ST3GAL3: variants seen among roughly 807,000 people sequenced by gnomAD.
The protein encoded by ST3GAL3 is ST3 beta-galactoside alpha-2,3-sialyltransferase 3.
A neutral mutation model predicts 50.1 loss-of-function variants in ST3GAL3; 21 were observed. That is an observed-to-expected ratio of 0.42 (90% CI 0.30 to 0.60). The LOEUF (loss-of-function observed/expected upper bound fraction) is 0.60. Among genes scored for constraint, ST3GAL3 ranks in the 20% least tolerant of loss-of-function variants. The pLI, the probability that ST3GAL3 is intolerant of heterozygous loss-of-function variation, is 0.19. For synonymous variants in ST3GAL3, 183 were observed against 190.0 expected (o/e 0.96, Z 0.30); for missense variants, 353 against 489.4 (o/e 0.72, Z 2.63).
At chr1:43,778,100 A>G (rs1697970707) in intron 2 of ST3GAL3, among the ~76,000 whole-genome samples, 1 of 152,222 alleles carries the variant, frequency 6.6e-6, no homozygotes, top group African/African-American at 2.4e-5. Flanking sequence ...TGCAGCCATA[A>G]AAAGGAATGA....
chr1:43,713,994 T>C (rs1343048517), intron 1 of ST3GAL3, among the ~76,000 whole-genome samples: 2 of 152,174 alleles, frequency 1.3e-5, no homozygotes, highest in African/African-American at 4.8e-5. Flanking sequence ...CCGGGTGCAG[T>C]AGCTCATACA....
intron 3 of ST3GAL3, among the ~76,000 whole-genome samples, chr1:43,810,176 AT>A (rs2060390112): frequency 6.6e-6 from 1 of 152,034 alleles, no homozygotes; most frequent in Admixed American, 6.5e-5. Context: ...TAAGAACCAA[AT>A]TTTTTTAAAT....
intron 10 of ST3GAL3, 70 bp downstream of exon 10, chr1:43,920,620 G>C: frequency 6.2e-7 from 1 of 1,604,682 alleles, no homozygotes. Flanking sequence ...GGAAGGGTGG[G>C]TGGTGGGTGG....
intron 5 of ST3GAL3, among the ~76,000 whole-genome samples, chr1:43,862,898 C>T (rs1278575255): frequency 6.6e-6 from 1 of 151,930 alleles, no homozygotes; most frequent in African/African-American, 2.4e-5. Flanking sequence ...CCTGGGTGAC[C>T]GTGTGAGACC....
At chr1:43,731,097 A>G (rs997482082) in intron 1 of ST3GAL3, among the ~76,000 whole-genome samples, 2 of 151,880 alleles carry the variant, frequency 1.3e-5, no homozygotes, top group Non-Finnish European at 2.9e-5. Context: ...CAGTGGTGCA[A>G]CCTTGGCTTA....
intron 9 of ST3GAL3, among the ~76,000 whole-genome samples, chr1:43,911,586 T>TAGATATATCTGTAGCTATAGATATCTAC (rs2080872125): frequency 6.6e-6 from 1 of 151,002 alleles, no homozygotes; most frequent in African/African-American, 2.4e-5. Context: ...TAGATATCTA[T>TAGATATATCTGTAGCTATAGATATCTAC]AGATATATCT....
At chr1:43,903,262 C>T (rs1274388466) in intron 9 of ST3GAL3, among the ~76,000 whole-genome samples, 4 of 152,178 alleles carry the variant, frequency 2.6e-5, no homozygotes, top group Non-Finnish European at 5.9e-5. Flanking sequence ...GCTGGAGACA[C>T]CCCATCCACT....
intron 3 of ST3GAL3, among the ~76,000 whole-genome samples, chr1:43,805,256 T>C (rs1181838416): frequency 6.6e-6 from 1 of 152,130 alleles, no homozygotes; most frequent in African/African-American, 2.4e-5. Flanking sequence ...TTCAGCACAT[T>C]ATTTTTCTCC....
In ST3GAL3 at chr1:43,765,747, GTGTGTC is replaced by G. The variant is rs1386836890; in HGVS notation, c.119-26349_119-26344del. On this transcript the variant is annotated intron_variant, in intron 2 of 11. Transcript: ENST00000347631. ...ATTTCATGTGCATGTGTGTGTCTGT[GTGTGTC>G]TGTGTGTGTGTGTGTGTGTGTGTGT... Among the ~76,000 whole-genome samples, 435 of 59,120 alleles carry G rather than the reference GTGTGTC, an allele frequency of 7.4e-3. 2 individuals carry two copies. Among genetic ancestry groups the G allele is most frequent in the African/African-American group, 0.018 (391 of 21,938 alleles). The allele number at this position is 59,120 out of a possible 152,430, so 38.8% of individuals were successfully genotyped here.
intron 2 of ST3GAL3, among the ~76,000 whole-genome samples, chr1:43,791,208 C>G (rs2058035580): frequency 6.6e-6 from 1 of 152,204 alleles, no homozygotes; most frequent in Non-Finnish European, 1.5e-5. Flanking sequence ...AGTCCAGTTC[C>G]TAATATAAAC....
At chr1:43,850,166 C>A in intron 5 of ST3GAL3, 2 of 209,054 alleles carry the variant, frequency 9.6e-6, no homozygotes, top group Non-Finnish European at 9.9e-6. Context: ...GAAAAAAGTC[C>A]AAAAGAAAAC....
chr1:43,873,769 C>T (rs2073511143), intron 5 of ST3GAL3, among the ~76,000 whole-genome samples: 1 of 151,530 alleles, frequency 6.6e-6, no homozygotes, highest in African/African-American at 2.4e-5. Flanking sequence ...CCAGCCTGGA[C>T]GACAGAGTAA....
At chr1:43,885,005 A>G (rs2075742672) in intron 5 of ST3GAL3, among the ~76,000 whole-genome samples, 1 of 152,328 alleles carries the variant, frequency 6.6e-6, no homozygotes, top group Non-Finnish European at 1.5e-5. Context: ...TACAGGCTTA[A>G]TATTCCAAGC....
intron 1 of ST3GAL3, among the ~76,000 whole-genome samples, chr1:43,730,557 C>G (rs796649950): frequency 1.4e-5 from 2 of 142,668 alleles, no homozygotes; most frequent in Non-Finnish European, 3.1e-5. Flanking sequence ...TTTTTTCTTT[C>G]TTTTCTTTTC....
At chr1:43,865,698 T>C (rs1484036381) in intron 5 of ST3GAL3, among the ~76,000 whole-genome samples, 1 of 152,006 alleles carries the variant, frequency 6.6e-6, no homozygotes, top group African/African-American at 2.4e-5. Context: ...CAGGAGGGGC[T>C]TTTTTCCTAA....
At chr1:43,718,827 A>G (rs1429320047) in intron 1 of ST3GAL3, among the ~76,000 whole-genome samples, 1 of 151,660 alleles carries the variant, frequency 6.6e-6, no homozygotes, top group African/African-American at 2.4e-5. Context: ...AGCTGAGATT[A>G]CAGGGGCCCA....
chr1:43,736,525 T>C (rs983967661), intron 2 of ST3GAL3, 145 bp downstream of exon 2: 2 of 1,456,314 alleles, frequency 1.4e-6, no homozygotes, highest in African/African-American at 2.8e-5. Context: ...AGAAATTGCC[T>C]GCCATTTTAG....
intron 9 of ST3GAL3, among the ~76,000 whole-genome samples, chr1:43,903,961 GAACTT>G (rs1214538903): frequency 1.3e-5 from 2 of 152,144 alleles, no homozygotes; most frequent in Non-Finnish European, 1.5e-5. Context: ...CTAGCATAGA[GAACTT>G]AACTATGTTC....
At chr1:43,904,527 CTGCCTGTTGCCATATCTTAACCAT>C (rs1215075528) in intron 9 of ST3GAL3, among the ~76,000 whole-genome samples, 1 of 152,052 alleles carries the variant, frequency 6.6e-6, no homozygotes, top group African/African-American at 2.4e-5. Flanking sequence ...TTTCACGTCA[CTGCCTGTTGCCATATCTTAACCAT>C]TGCTCCTCTA....
Sources: gnomAD v4.1 joint callset for allele counts (sites outside exome capture counted in the v4.1 genomes callset) on GRCh38, gnomAD v4.1.1 for gene constraint, MANE v1.5 for transcripts, NCBI Gene and HGNC (gene_info 2026-07-23, HGNC 2026-07-21) for gene names.